Variants in MEIOB observed in about 807,000 individuals in gnomAD.
MEIOB encodes meiosis specific with OB-fold, also known as meiosis-specific with OB domain-containing protein.
A neutral mutation model predicts 53.1 loss-of-function variants in MEIOB; 50 were observed. The ratio of observed to expected loss-of-function variants is 0.94; its 90% CI spans 0.75 to 1.19. MEIOB has a LOEUF of 1.19. Among genes scored for constraint, MEIOB ranks in the 50% most tolerant of loss-of-function variants. MEIOB has a pLI of 0.00. For synonymous variants in MEIOB, 192 were observed against 182.5 expected (o/e 1.05, Z -0.42); for missense variants, 551 against 550.8 (o/e 1.00, Z 0.00).
rs1898676758 is a variant in MEIOB, at chr16:1,834,189, T to G, written c.*67A>C. On this transcript the variant is annotated 3_prime_UTR_variant, in exon 14 of 14. Transcript: ENST00000325962. ...TGCAATTTTCCCCATAATTTTCAAATTAATATTCCATTTTAAAGGGAGTTA... is the reference window on the plus strand; with the variant it reads ...TGCAATTTTCCCCATAATTTTCAAAGTAATATTCCATTTTAAAGGGAGTTA... 1.2e-6 allele frequency: 1 copy of G among 826,490 alleles called. No homozygotes were observed. Among genetic ancestry groups the G allele is most frequent in the African/African-American group, 1.7e-5 (1 of 57,578 alleles). The allele number at this position is 826,490 out of a possible 1,614,324, so 51.2% of individuals were successfully genotyped here.
At chr16:1,871,383 C>T (rs1899741083) in intron 1 of MEIOB, among the ~76,000 whole-genome samples, 1 of 99,222 alleles carries the variant, frequency 1.0e-5, no homozygotes. Flanking sequence ...CCACGCCTGG[C>T]TAATTTTTTG....
chr16:1,840,396 AC>A (rs1438010866), intron 11 of MEIOB, among the ~76,000 whole-genome samples: 2 of 152,198 alleles, frequency 1.3e-5, no homozygotes, highest in Non-Finnish European at 2.9e-5. Context: ...GAGAACACAC[AC>A]ACACGACTGC....
chr16:1,852,525 T>C (rs2142088613), intron 9 of MEIOB, among the ~76,000 whole-genome samples: 1 of 152,010 alleles, frequency 6.6e-6, no homozygotes, highest in African/African-American at 2.4e-5. Flanking sequence ...CCTCCCAAAG[T>C]GCTGGAATTA....
intron 5 of MEIOB, among the ~76,000 whole-genome samples, chr16:1,859,408 G>GC (rs1899386868): frequency 6.6e-6 from 1 of 152,142 alleles, no homozygotes; most frequent in South Asian, 2.1e-4. Flanking sequence ...TGGGTGTGGG[G>GC]CGTGTGCCTG....
chr16:1,846,614 G>A (rs1899032572), intron 9 of MEIOB, among the ~76,000 whole-genome samples: 1 of 152,170 alleles, frequency 6.6e-6, no homozygotes, highest in African/African-American at 2.4e-5. Context: ...GGAATACAAT[G>A]CAACCATAAA....
intron 5 of MEIOB, among the ~76,000 whole-genome samples, chr16:1,858,996 A>G (rs959938949): frequency 3.3e-5 from 5 of 152,192 alleles, no homozygotes; most frequent in Non-Finnish European, 5.9e-5. Flanking sequence ...GGCAGACAAG[A>G]CCTTTGATCT....
chr16:1,844,855 C>A lies in MEIOB; in HGVS notation c.880+7G>T. 1.4e-6 allele frequency: 2 copies of A among 1,450,934 alleles called. No homozygotes were observed. The highest frequency in any genetic ancestry group is 2.4e-5 in the South Asian group (2 of 82,064). 89.9% of individuals were successfully genotyped at this position (1,450,934 alleles called of 1,614,324 possible). On this transcript the variant is annotated splice_region_variant and intron_variant, in intron 10 of 13. Transcript: ENST00000325962. ...AAAAATCCAAATATATTTAAACGGT[C>A]ACTTACAATTTATGGATTCTTTGAA...
chr16:1,844,778 G>C, intron 10 of MEIOB, 84 bp downstream of exon 10: 1 of 647,838 alleles, frequency 1.5e-6, no homozygotes, highest in East Asian at 2.8e-5. Context: ...TAGGAATCTG[G>C]TATCTTTTAC....
chr16:1,858,280 T>C (rs538694123), intron 5 of MEIOB, among the ~76,000 whole-genome samples: 1 of 152,322 alleles, frequency 6.6e-6, no homozygotes, highest in East Asian at 1.9e-4. Flanking sequence ...CTCTCTCTTA[T>C]GGACCTGGCT....
intron 9 of MEIOB, among the ~76,000 whole-genome samples, chr16:1,851,016 C>A (rs1325453283): frequency 4.6e-5 from 7 of 152,184 alleles, no homozygotes. Context: ...GCACTGTTGT[C>A]CTAAGTGTTG....
chr16:1,860,270 G>T, intron 5 of MEIOB, 133 bp downstream of exon 5: 1 of 510,862 alleles, frequency 2.0e-6, no homozygotes, highest in Admixed American at 3.9e-5. Context: ...GATGAATTTT[G>T]TAAGAGAAAA....
chr16:1,871,853 C>A (rs1899761433), intron 1 of MEIOB, 140 bp downstream of exon 1: 1 of 149,546 alleles, frequency 6.7e-6, no homozygotes, highest in African/African-American at 2.5e-5. Context: ...CCCTGCTACT[C>A]GGGAGGCTGA....
intron 10 of MEIOB, among the ~76,000 whole-genome samples, chr16:1,844,042 A>T (rs1024613596): frequency 1.3e-5 from 2 of 151,826 alleles, no homozygotes; most frequent in Admixed American, 1.3e-4. Context: ...TTCTATTAGT[A>T]TATATGCACA....
At chr16:1,837,511 G>A (rs1171830994) in intron 13 of MEIOB, among the ~76,000 whole-genome samples, 1 of 152,090 alleles carries the variant, frequency 6.6e-6, no homozygotes, top group African/African-American at 2.4e-5. Flanking sequence ...CATCAGCTCT[G>A]ATTTTAAAGC....
intron 2 of MEIOB, among the ~76,000 whole-genome samples, chr16:1,867,427 G>T (rs1002707641): frequency 2.0e-5 from 3 of 149,742 alleles, no homozygotes; most frequent in Admixed American, 2.0e-4. Context: ...GGATAATTTG[G>T]TCAGAAAATT....
At chr16:1,841,078 G>GCAAT (rs1277948196) in intron 11 of MEIOB, 1 of 143,134 alleles carries the variant, frequency 7.0e-6, no homozygotes, top group Non-Finnish European at 1.5e-5. Context: ...GTGCAATGGT[G>GCAAT]CAATCTCGGC....
intron 5 of MEIOB, among the ~76,000 whole-genome samples, chr16:1,858,218 A>T (rs895049047): frequency 6.6e-6 from 1 of 152,158 alleles, no homozygotes; most frequent in Non-Finnish European, 1.5e-5. Flanking sequence ...ATAGGAGCAA[A>T]AAAGCGCTCT....
chr16:1,867,211 G>A (rs899120048), intron 2 of MEIOB, among the ~76,000 whole-genome samples: 6 of 152,108 alleles, frequency 3.9e-5, no homozygotes, highest in African/African-American at 1.4e-4. Flanking sequence ...TGTGGTAGCT[G>A]CTTTACAATA....
chr16:1,870,039 T>A (rs1402429907), intron 1 of MEIOB, among the ~76,000 whole-genome samples: 1 of 151,802 alleles, frequency 6.6e-6, no homozygotes, highest in Non-Finnish European at 1.5e-5. Context: ...ACCCAGCTAA[T>A]TTTTTTGTAT....
Sources: allele counts gnomAD v4.1 joint callset (sites outside exome capture counted in the v4.1 genomes callset), GRCh38; gene constraint gnomAD v4.1.1; transcripts MANE v1.5; gene names NCBI Gene and HGNC (gene_info 2026-07-23, HGNC 2026-07-21).